ROBO2: variants seen among roughly 807,000 people sequenced by gnomAD.
The protein encoded by ROBO2 is roundabout homolog 2.
In ROBO2, 53 loss-of-function variants were observed where a neutral mutation model predicts 160.8. That is an observed-to-expected ratio of 0.33 (90% CI 0.26 to 0.41). The LOEUF is 0.41. Among genes scored for constraint, ROBO2 ranks in the 10% least tolerant of loss-of-function variants. ROBO2 has a pLI of 1.00. For synonymous variants in ROBO2, 664 were observed against 611.7 expected (o/e 1.09, Z -1.26); for missense variants, 1,577 against 1,722.4 (o/e 0.92, Z 1.49).
rs181932933 is a variant in ROBO2 at position 76,032,285 on chromosome 3, T to C, written c.109+94683T>C. On this transcript the variant is annotated intron_variant, in intron 2 of 26. Coordinates refer to the ROBO2 transcript ENST00000487694. ...GGTCTTGCTAGTGGTCTATCTACTT[T>C]GTTGATCTTTCAAAAAAACCAGCGC... Among the ~76,000 whole-genome samples the C allele has an allele frequency of 2.0e-4, 30 of 152,130 alleles. 1 individual carries two copies. Among genetic ancestry groups the C allele is most frequent in the African/African-American group, 7.0e-4 (29 of 41,404 alleles).
intron 16 of ROBO2, among the ~76,000 whole-genome samples, chr3:77,584,969 C>CATAT (rs199891931): frequency 0.027 from 3,991 of 146,424 alleles, 114 homozygotes; most frequent in East Asian, 0.13. Flanking sequence ...TATATACACA[C>CATAT]ATATATATAT....
intron 2 of ROBO2, among the ~76,000 whole-genome samples, chr3:76,415,496 A>C (rs2108874552): frequency 6.6e-6 from 1 of 152,302 alleles, no homozygotes; most frequent in East Asian, 1.9e-4. Flanking sequence ...TAAGTACTAA[A>C]TATTTTAATA....
chr3:76,394,778 A>G (rs567496274), intron 2 of ROBO2, among the ~76,000 whole-genome samples: 2 of 152,142 alleles, frequency 1.3e-5, no homozygotes, highest in African/African-American at 4.8e-5. Flanking sequence ...AGAGCTAACT[A>G]TCCTAAATAT....
chr3:77,227,433 TA>T (rs1203825232), intron 2 of ROBO2, among the ~76,000 whole-genome samples: 1 of 152,112 alleles, frequency 6.6e-6, no homozygotes, highest in African/African-American at 2.4e-5. Context: ...TTTCAAAAGG[TA>T]AATATTGAAA....
chr3:77,020,800 G>A (rs1006337035), intron 2 of ROBO2, among the ~76,000 whole-genome samples: 2 of 152,202 alleles, frequency 1.3e-5, no homozygotes, highest in East Asian at 3.8e-4. Flanking sequence ...TTCTTGAATA[G>A]TAAGATATAG....
intron 2 of ROBO2, among the ~76,000 whole-genome samples, chr3:77,308,094 CTTT>C (rs75267801): frequency 1.5e-5 from 2 of 136,728 alleles, no homozygotes; most frequent in Admixed American, 7.4e-5. Context: ...GGAGATATTT[CTTT>C]TTTTTTTTTT....
rs2087220644 is a variant in ROBO2, at chr3:77,231,587, C to CT, written c.388+133253dup. 2.0e-5 allele frequency among the ~76,000 whole-genome samples: 3 copies of CT among 151,202 alleles called. No individual in the cohort carries two copies. The South Asian group carries it at 6.3e-4, about 32-fold the overall frequency. ...AAAATAGAGGTGGCCACGCTGGAAT[C>CT]TTTTTTCACCTGTAAGTTCTTAATA... is the stretch of plus-strand genomic sequence containing the variant. On this transcript the variant is annotated intron_variant, in intron 2 of 25. Transcript: ENST00000461745.
At chr3:76,876,156 C>T (rs2072691353) in intron 2 of ROBO2, among the ~76,000 whole-genome samples, 1 of 152,120 alleles carries the variant, frequency 6.6e-6, no homozygotes, top group South Asian at 2.1e-4. Context: ...TACTATTGAA[C>T]CAAACACCAA....
At chr3:77,425,258 A>G (rs747811740) in intron 2 of ROBO2, among the ~76,000 whole-genome samples, 6 of 152,038 alleles carry the variant, frequency 3.9e-5, no homozygotes, top group Non-Finnish European at 8.8e-5. Flanking sequence ...TAGTAAGGAG[A>G]TATATAATAA....
chr3:76,996,660 A>G (rs1340578956), intron 2 of ROBO2, among the ~76,000 whole-genome samples: 1 of 152,068 alleles, frequency 6.6e-6, no homozygotes, highest in Non-Finnish European at 1.5e-5. Context: ...GCCATTTTAA[A>G]TTCAAACTGA....
chr3:76,361,123 G>T (rs1559821743), intron 2 of ROBO2, among the ~76,000 whole-genome samples: 1 of 152,054 alleles, frequency 6.6e-6, no homozygotes, highest in Admixed American at 6.6e-5. Flanking sequence ...CTGCAAGTTA[G>T]AATTACTCTT....
At chr3:76,697,837 C>T (rs143926621) in intron 2 of ROBO2, among the ~76,000 whole-genome samples, 34 of 151,332 alleles carry the variant, frequency 2.2e-4, no homozygotes, top group Non-Finnish European at 2.7e-4. Flanking sequence ...CTCAAAAGAG[C>T]GAAGGAAAAA....
intron 2 of ROBO2, among the ~76,000 whole-genome samples, chr3:77,302,013 C>T (rs80205666): frequency 0.011 from 1,642 of 152,202 alleles, 22 homozygotes; most frequent in African/African-American, 0.03. Context: ...AGCAATCCTC[C>T]TGCCTCAGCC....
chr3:77,120,161 A>G (rs1411116108), intron 2 of ROBO2, among the ~76,000 whole-genome samples: 2 of 152,230 alleles, frequency 1.3e-5, no homozygotes, highest in African/African-American at 4.8e-5. Context: ...ACAAATGTGT[A>G]GAGTAACAAT....
At chr3:76,480,423 A>T (rs1479591481) in intron 2 of ROBO2, among the ~76,000 whole-genome samples, 1 of 152,128 alleles carries the variant, frequency 6.6e-6, no homozygotes, top group Non-Finnish European at 1.5e-5. Context: ...GAACACTGTC[A>T]TATATTTACC....
At chr3:76,230,199 A>G (rs529225910) in intron 2 of ROBO2, among the ~76,000 whole-genome samples, 1 of 151,946 alleles carries the variant, frequency 6.6e-6, no homozygotes, top group Non-Finnish European at 1.5e-5. Flanking sequence ...GAAAATAAGG[A>G]CCTTTTTCTT....
In ROBO2 at chr3:75,928,912, G is replaced by A. The variant is rs142166232; in HGVS notation, c.-13-8569G>A. On this transcript the variant is annotated intron_variant, in intron 1 of 26. Coordinates refer to the ROBO2 transcript ENST00000487694. The stretch of plus-strand genomic sequence containing the variant: ...TGTGTGTGTGTGTGTGATAGCTGAT[G>A]ATTATAGAATGATCTATGTACTTTC... 8.6e-4 allele frequency among the ~76,000 whole-genome samples: 107 copies of A among 124,474 alleles called. 1 individual carries two copies. The East Asian group carries it at 0.015, about 17-fold the overall frequency. The allele number at this position is 124,474 out of a possible 152,430, so 81.7% of individuals were successfully genotyped here.
chr3:77,039,224 A>G (rs2149597835), upstream of ROBO2, among the ~76,000 whole-genome samples: 1 of 151,552 alleles, frequency 6.6e-6, no homozygotes, highest in African/African-American at 2.4e-5. Flanking sequence ...ATCATATAGG[A>G]AGCATCTACA....
chr3:76,986,393 T>A (rs543124799), intron 2 of ROBO2, among the ~76,000 whole-genome samples: 30 of 152,214 alleles, frequency 2.0e-4, no homozygotes, highest in African/African-American at 7.2e-4. Context: ...TTGTTTGGAA[T>A]CTATAAAACA....
Sources: gnomAD v4.1 joint callset for allele counts (sites outside exome capture counted in the v4.1 genomes callset) on GRCh38, gnomAD v4.1.1 for gene constraint, MANE v1.5 for transcripts, NCBI Gene and HGNC (gene_info 2026-07-23, HGNC 2026-07-21) for gene names.